The following CLEC16A variants were observed in gnomAD, a reference collection of about 807,000 sequenced individuals.
CLEC16A encodes protein CLEC16A.
A neutral mutation model predicts 109.5 loss-of-function variants in CLEC16A; 51 were observed. The ratio of observed to expected loss-of-function variants is 0.47; its 90% CI spans 0.37 to 0.59. CLEC16A has a LOEUF of 0.59. Among genes scored for constraint, CLEC16A ranks in the 20% least tolerant of loss-of-function variants. The pLI, the probability that CLEC16A is intolerant of heterozygous loss-of-function variation, is 0.00. For missense variants in CLEC16A, 1,339 were observed against 1,394.0 expected (o/e 0.96, Z 0.63); for synonymous variants, 673 against 564.2 (o/e 1.19, Z -2.73).
intron 15 of CLEC16A, among the ~76,000 whole-genome samples, chr16:11,042,878 ATATAT>A (rs1273205688): frequency 6.7e-6 from 1 of 149,920 alleles, no homozygotes; most frequent in Non-Finnish European, 1.5e-5. Flanking sequence ...TATGTAAATA[ATATAT>A]TTAAGTATTA....
At chr16:11,061,108 G>A in intron 19 of CLEC16A, 86 bp downstream of exon 19, 1 of 1,400,860 alleles carries the variant, frequency 7.1e-7, no homozygotes, top group Non-Finnish European at 9.5e-7. Context: ...GCCACTGGGA[G>A]GGTCAGTGTG....
chr16:11,019,216 C>A lies in CLEC16A; in HGVS notation c.1304-977C>A, dbSNP rs149517895. On this transcript the variant is annotated intron_variant, in intron 11 of 23. Transcript: ENST00000409790. Reference sequence around the variant, plus strand: ...AGGCTGACTGTTTGAAAGTCCACGCCCGCACAGCCAAGAACTCTGATGGGG... The same window carrying A: ...AGGCTGACTGTTTGAAAGTCCACGCACGCACAGCCAAGAACTCTGATGGGG... Among the ~76,000 whole-genome samples the A allele has an allele frequency of 1.4e-3, 215 of 152,278 alleles. 3 individuals carry two copies. The highest frequency in any genetic ancestry group is 4.9e-3 in the African/African-American group (205 of 41,558).
intron 13 of CLEC16A, chr16:11,027,166 G>A: frequency 7.1e-7 from 1 of 1,409,024 alleles, no homozygotes; most frequent in Non-Finnish European, 9.9e-7. Context: ...AAAGGGCTCA[G>A]GTTTAAGCTA....
chr16:11,176,609 G>A lies in CLEC16A; in HGVS notation c.2807-1726G>A, dbSNP rs541642918. 2.1e-3 allele frequency among the ~76,000 whole-genome samples: 320 copies of A among 152,204 alleles called. 1 individual carries two copies. Among genetic ancestry groups the A allele is most frequent in the Non-Finnish European group, 2.8e-3 (193 of 68,002 alleles). On this transcript the variant is annotated intron_variant, in intron 23 of 23. Transcript: ENST00000409790. The stretch of plus-strand genomic sequence containing the variant: ...AAAAATTAGCCAGGTGTGGTGACAC[G>A]GGCCTGTAGTCCCAGCTACTCAGGA...
chr16:11,093,412 C>G (rs896464470), intron 19 of CLEC16A, among the ~76,000 whole-genome samples: 1 of 152,202 alleles, frequency 6.6e-6, no homozygotes, highest in Non-Finnish European at 1.5e-5. Context: ...CTAGCTGACA[C>G]TTCCTGTGGC....
intron 19 of CLEC16A, among the ~76,000 whole-genome samples, chr16:11,070,124 G>C (rs2048986889): frequency 6.6e-6 from 1 of 150,838 alleles, no homozygotes; most frequent in Admixed American, 6.6e-5. Context: ...AGGCTGGAGT[G>C]CAGTGGCGCA....
chr16:11,049,478 T>TTTTGTTAG (rs2047820414), intron 17 of CLEC16A, among the ~76,000 whole-genome samples: 1 of 150,928 alleles, frequency 6.6e-6, no homozygotes, highest in African/African-American at 2.4e-5. Flanking sequence ...TCCCAGGTTT[T>TTTTGTTAG]TTTGTTTGTT....
At chr16:10,964,915 C>T (rs553018601) in intron 3 of CLEC16A, among the ~76,000 whole-genome samples, 4 of 152,206 alleles carry the variant, frequency 2.6e-5, no homozygotes, top group East Asian at 3.9e-4. Context: ...TGAAAATATG[C>T]AGTAGATCTG....
At chr16:11,068,423 A>G (rs2048882012) in intron 19 of CLEC16A, among the ~76,000 whole-genome samples, 1 of 152,230 alleles carries the variant, frequency 6.6e-6, no homozygotes, top group Non-Finnish European at 1.5e-5. Context: ...CTGTCCACGC[A>G]GAGCCTGCAT....
intron 23 of CLEC16A, among the ~76,000 whole-genome samples, chr16:11,169,761 A>C (rs1171461149): frequency 6.6e-6 from 1 of 152,218 alleles, no homozygotes; most frequent in Non-Finnish European, 1.5e-5. Flanking sequence ...CTGTTTTGAC[A>C]GTTGGTGTGG....
intron 22 of CLEC16A, among the ~76,000 whole-genome samples, chr16:11,159,999 A>G (rs1484921320): frequency 6.6e-6 from 1 of 152,162 alleles, no homozygotes; most frequent in Non-Finnish European, 1.5e-5. Flanking sequence ...TTTTGAGTTG[A>G]GTGGAGAATC....
At chr16:11,009,963 G>A (rs928157842) in intron 11 of CLEC16A, among the ~76,000 whole-genome samples, 1 of 152,152 alleles carries the variant, frequency 6.6e-6, no homozygotes, top group African/African-American at 2.4e-5. Context: ...AGACCAGCCA[G>A]GCAACATAGG....
rs201484643 is a variant in CLEC16A at position 11,123,793 on chromosome 16, A to T, written c.2320A>T (p.Ile774Phe). The stretch of plus-strand genomic sequence containing the variant: ...CGACAGCCGTGCCCTGAACATCACC[A>T]TCCACAAGCCTGCGTCCAGCCCCCA... ...EDDSRALNIT[I>F]HKPASSPHSK... is the part of the protein sequence containing the mutation. The change falls in exon 21 of 24, where the codon ATC becomes TTC. Residue 774 changes from isoleucine to phenylalanine, a missense_variant. Physicochemically the swap from Ile to Phe is conservative, Grantham distance 21 (BLOSUM62 0). Around this residue, in one of 3 missense-constraint regions of CLEC16A, gnomAD observed 1,061 missense variants for 1,006.8 expected, o/e 1.05. Coordinates refer to ENST00000409790, the MANE Select transcript of CLEC16A (RefSeq NM_015226.3). 1 of 1,614,002 alleles carries T rather than the reference A, an allele frequency of 6.2e-7. No homozygotes were observed. The highest frequency in any genetic ancestry group is 2.2e-5 in the East Asian group (1 of 44,888).
At position 10,952,408 on chromosome 16, in the gene CLEC16A, C is replaced by T. The variant is rs531273077; in HGVS notation, c.81-5374C>T. Among the ~76,000 whole-genome samples, 16 of 152,310 alleles carry T rather than the reference C, an allele frequency of 1.1e-4. No individual in the cohort carries two copies. In the East Asian group the frequency reaches 1.3e-3, roughly 13 times the overall value. On this transcript the variant is annotated intron_variant, in intron 1 of 23. Coordinates refer to ENST00000409790, the MANE Select transcript of CLEC16A (RefSeq NM_015226.3). ...ACCTGGGAATCTGAGGTAGGAGAAT[C>T]GCCTGAACCTAAGAGGCGGAGGCCG...
At chr16:10,950,640 C>G (rs973013401) in intron 1 of CLEC16A, among the ~76,000 whole-genome samples, 1 of 152,182 alleles carries the variant, frequency 6.6e-6, no homozygotes, top group East Asian at 1.9e-4. Context: ...TCTCCTTGTC[C>G]TGCTGGCCAG....
At chr16:11,111,471 T>C (rs750937003) in intron 19 of CLEC16A, among the ~76,000 whole-genome samples, 62 of 152,182 alleles carry the variant, frequency 4.1e-4, no homozygotes, top group Non-Finnish European at 7.2e-4. Context: ...TGGTACTCTT[T>C]TGGTCTAGAC....
intron 2 of CLEC16A, among the ~76,000 whole-genome samples, chr16:10,960,824 G>A (rs1196573340): frequency 2.0e-5 from 3 of 152,152 alleles, no homozygotes; most frequent in East Asian, 3.8e-4. Context: ...TCAGTATGTT[G>A]TTATTTTATT....
chr16:11,041,890 G>T, intron 14 of CLEC16A: 1 of 188,380 alleles, frequency 5.3e-6, no homozygotes, highest in Non-Finnish European at 1.1e-5. Flanking sequence ...GGGGAAGGAG[G>T]ATCAGCTCCA....
chr16:10,997,916 G>A (rs2044425003), intron 10 of CLEC16A, among the ~76,000 whole-genome samples: 1 of 152,194 alleles, frequency 6.6e-6, no homozygotes, highest in African/African-American at 2.4e-5. Context: ...TGTGCAGCCT[G>A]TGTCCAGGTC....
Sources: gnomAD v4.1 joint callset for allele counts (sites outside exome capture counted in the v4.1 genomes callset) on GRCh38, gnomAD v4.1.1 for gene constraint, gnomAD v4.1.1 regional missense constraint, MANE v1.5 for transcripts, NCBI Gene and HGNC (gene_info 2026-07-23, HGNC 2026-07-21) for gene names.